RASGRP3: variants seen among roughly 807,000 people sequenced by gnomAD.
The protein encoded by RASGRP3 is RAS guanyl releasing protein 3, also known as ras guanyl-releasing protein 3.
In RASGRP3, 54 loss-of-function variants were observed where a neutral mutation model predicts 82.7. The observed-to-expected ratio is 0.65, with a 90% confidence interval of 0.52 to 0.82. RASGRP3 has a LOEUF of 0.82. Ranked by LOEUF, RASGRP3 falls within the 40% of genes least tolerant of loss-of-function variation. The pLI is 0.00. For missense variants in RASGRP3, 861 were observed against 828.9 expected (o/e 1.04, Z -0.48); for synonymous variants, 309 against 300.5 (o/e 1.03, Z -0.29).
chr2:33,479,332 C>T (rs566046283), intron 1 of RASGRP3, among the ~76,000 whole-genome samples: 2 of 152,272 alleles, frequency 1.3e-5, no homozygotes, highest in Non-Finnish European at 2.9e-5. Flanking sequence ...TTGTTATTAA[C>T]CTCCAGCACA....
At chr2:33,495,783 C>G (rs2150968136) in intron 1 of RASGRP3, among the ~76,000 whole-genome samples, 1 of 152,238 alleles carries the variant, frequency 6.6e-6, no homozygotes, top group African/African-American at 2.4e-5. Flanking sequence ...GTTCACTTTC[C>G]TCTTAAATCT....
chr2:33,527,295 G>GA lies in RASGRP3; in HGVS notation c.968dup (p.Asn323LysfsTer17). On this transcript the variant is annotated frameshift_variant, in exon 10 of 18. Coordinates refer to ENST00000403687, the MANE Select transcript of RASGRP3 (RefSeq NM_001139488.2). LOFTEE classifies it high-confidence loss of function. ...TCATTTTCCCAGACTGGACAGAGGA[G>GA]AACAAAGTGAACATTGTGAAAATGC... is the stretch of plus-strand genomic sequence containing the variant. 1 of 1,613,918 alleles carries GA rather than the reference G, an allele frequency of 6.2e-7. No individual in the cohort carries two copies. Among genetic ancestry groups the GA allele is most frequent in the Non-Finnish European group, 8.5e-7 (1 of 1,179,836 alleles).
intron 11 of RASGRP3, among the ~76,000 whole-genome samples, chr2:33,536,417 G>A (rs757969609): frequency 9.9e-5 from 15 of 151,762 alleles, no homozygotes; most frequent in Non-Finnish European, 1.6e-4. Flanking sequence ...CTAAGTTGGA[G>A]AGCTGGGATT....
chr2:33,458,983 T>C (rs767208657), intron 2 of RASGRP3, among the ~76,000 whole-genome samples: 2 of 152,206 alleles, frequency 1.3e-5, no homozygotes, highest in African/African-American at 2.4e-5. Context: ...ATTTAAGATA[T>C]ATTTTTTAAA....
At chr2:33,442,422 G>A (rs1423843868) in intron 1 of RASGRP3, among the ~76,000 whole-genome samples, 1 of 152,162 alleles carries the variant, frequency 6.6e-6, no homozygotes, top group Non-Finnish European at 1.5e-5. Context: ...TTTGTCTCCA[G>A]GATAAATAAG....
At chr2:33,458,328 T>C (rs1300511915) in intron 2 of RASGRP3, among the ~76,000 whole-genome samples, 1 of 152,246 alleles carries the variant, frequency 6.6e-6, no homozygotes, top group African/African-American at 2.4e-5. Context: ...TTAATTTATA[T>C]TGAATATAAT....
chr2:33,490,801 G>T (rs1044382700), intron 1 of RASGRP3, among the ~76,000 whole-genome samples: 3 of 151,608 alleles, frequency 2.0e-5, no homozygotes, highest in African/African-American at 7.3e-5. Flanking sequence ...AATTGTATAT[G>T]TAACTGCAAC....
At chr2:33,496,552 G>GTTGTCAAAAACA (rs1215282138) in intron 1 of RASGRP3, among the ~76,000 whole-genome samples, 1 of 152,150 alleles carries the variant, frequency 6.6e-6, no homozygotes, top group Non-Finnish European at 1.5e-5. Flanking sequence ...GAATTTTCTA[G>GTTGTCAAAAACA]TTGTCAAAAA....
chr2:33,457,696 G>A (rs1189903282), intron 2 of RASGRP3, among the ~76,000 whole-genome samples: 1 of 151,960 alleles, frequency 6.6e-6, no homozygotes, highest in Non-Finnish European at 1.5e-5. Flanking sequence ...TTTCACAAAT[G>A]AGGAATTTTA....
At chr2:33,490,012 A>T (rs1458748049) in intron 1 of RASGRP3, among the ~76,000 whole-genome samples, 2 of 151,830 alleles carry the variant, frequency 1.3e-5, no homozygotes, top group Admixed American at 6.6e-5. Flanking sequence ...CTTGCTGCCA[A>T]CCTGATGACT....
upstream of RASGRP3, among the ~76,000 whole-genome samples, chr2:33,473,465 G>A (rs989951739): frequency 6.6e-5 from 10 of 152,306 alleles, no homozygotes; most frequent in Middle Eastern, 6.8e-3. Context: ...GCTAATGAGC[G>A]CACGCTGAGA....
Position 33,535,150 on chromosome 2 carries a change from A to T in RASGRP3, c.1161+750A>T, listed in dbSNP as rs1346545990. On this transcript the variant is annotated intron_variant, in intron 11 of 17. Transcript: ENST00000403687. ...TAATTTACAAATTTCTCTACTAACC[A>T]TTGATTCAACTCAGAATTTGGATGT... Among the ~76,000 whole-genome samples, 3 of 152,232 alleles carry T rather than the reference A, an allele frequency of 2.0e-5. No homozygotes were observed. The East Asian group carries it at 5.8e-4, about 29-fold the overall frequency.
At chr2:33,559,354 A>C (rs1405742631) in intron 17 of RASGRP3, among the ~76,000 whole-genome samples, 1 of 152,232 alleles carries the variant, frequency 6.6e-6, no homozygotes, top group East Asian at 1.9e-4. Flanking sequence ...TACACGATAC[A>C]GATCAGCTTG....
intron 2 of RASGRP3, among the ~76,000 whole-genome samples, chr2:33,467,583 A>G (rs1248227557): frequency 1.3e-5 from 2 of 152,246 alleles, no homozygotes; most frequent in African/African-American, 4.8e-5. Context: ...AAAGGAAGGC[A>G]GAGATGGGAT....
intron 2 of RASGRP3, among the ~76,000 whole-genome samples, chr2:33,449,615 C>G (rs184103950): frequency 4.6e-5 from 7 of 152,018 alleles, no homozygotes; most frequent in African/African-American, 7.2e-5. Context: ...CAAAAATTAG[C>G]TGGGCATGGT....
chr2:33,466,452 AC>A (rs1387104688), intron 2 of RASGRP3, among the ~76,000 whole-genome samples: 1 of 152,036 alleles, frequency 6.6e-6, no homozygotes, highest in African/African-American at 2.4e-5. Context: ...GCCGAGGCGG[AC>A]AGATCACCTG....
At chr2:33,467,951 G>C (rs1666796429) in intron 2 of RASGRP3, among the ~76,000 whole-genome samples, 1 of 152,054 alleles carries the variant, frequency 6.6e-6, no homozygotes, top group African/African-American at 2.4e-5. Flanking sequence ...GGGAAAAAGT[G>C]ACTGGTTTTT....
At chr2:33,512,364 C>G (rs577515773) in intron 2 of RASGRP3, among the ~76,000 whole-genome samples, 97 of 152,216 alleles carry the variant, frequency 6.4e-4, no homozygotes, top group African/African-American at 2.3e-3. Flanking sequence ...CCTATTTGTT[C>G]TAAGTAATAT....
chr2:33,517,065 A>G (rs1208734302), intron 4 of RASGRP3, among the ~76,000 whole-genome samples: 1 of 152,254 alleles, frequency 6.6e-6, no homozygotes, highest in Non-Finnish European at 1.5e-5. Context: ...TTACTTGGGC[A>G]CAAACATCAA....
Sources: allele counts gnomAD v4.1 joint callset (sites outside exome capture counted in the v4.1 genomes callset), GRCh38; gene constraint gnomAD v4.1.1; transcripts MANE v1.5; gene names NCBI Gene and HGNC (gene_info 2026-07-23, HGNC 2026-07-21).